Variants in PSG6 observed in about 807,000 individuals in gnomAD.
The protein encoded by PSG6 is pregnancy specific beta-1-glycoprotein 6.
A neutral mutation model predicts 43.3 loss-of-function variants in PSG6; 51 were observed. The observed-to-expected ratio is 1.18, with a 90% confidence interval of 0.94 to 1.49. The LOEUF is 1.49. Ranked by LOEUF, PSG6 falls within the 40% of genes most tolerant of loss-of-function variation. The pLI, the probability that PSG6 is intolerant of heterozygous loss-of-function variation, is 0.00. For synonymous variants in PSG6, 292 were observed against 197.6 expected (o/e 1.48, Z -4.01); for missense variants, 770 against 522.2 (o/e 1.47, Z -4.62).
At chr19:42,906,527 A>G in intron 5 of PSG6, 1 of 1,262,166 alleles carries the variant, frequency 7.9e-7, no homozygotes, top group Non-Finnish European at 1.0e-6. Context: ...AGCTTGTTTC[A>G]AAGCCTCAGA....
chr19:42,906,627 G>C (rs1336860402), intron 5 of PSG6: 1 of 1,374,614 alleles, frequency 7.3e-7, no homozygotes, highest in East Asian at 2.5e-5. Context: ...ACTTGATCTT[G>C]AGGACTCTCC....
At chr19:42,915,781 C>A in intron 2 of PSG6, 1 of 432,170 alleles carries the variant, frequency 2.3e-6, no homozygotes, top group Non-Finnish European at 4.0e-6. Flanking sequence ...TCTCAGTGGG[C>A]CCCTCAGGCC....
Position 42,907,673 on chromosome 19 carries a change from T to C in PSG6, c.888A>G (p.Leu296=). 6.2e-7 allele frequency: 1 copy of C among 1,611,016 alleles called. No individual in the cohort carries two copies. Among genetic ancestry groups the C allele is most frequent in the African/African-American group, 1.3e-5 (1 of 74,774 alleles). ...CTGTTTCATTTCTCGTGACACTGGG[T>C]AGAATGAGTATCCTGTTTTCAATGG... is the stretch of plus-strand genomic sequence containing the variant. ...KRPIENRILI[L]PSVTRNETGP... The change falls in exon 4 of 6, where the codon CTA becomes CTG. Residue 296 remains leucine, a synonymous_variant. Coordinates refer to ENST00000187910, the MANE Select transcript of PSG6 (RefSeq NM_001031850.4).
intron 3 of PSG6, 75 bp from the exon 4 acceptor site, chr19:42,907,929 A>T (rs1204127111): frequency 6.4e-7 from 1 of 1,570,264 alleles, no homozygotes; most frequent in South Asian, 1.2e-5. Context: ...CAGAGTTGGC[A>T]TCTCCCACCT....
In PSG6 at chr19:42,902,451, T is replaced by A; in HGVS notation, c.1241-5A>T. Reference sequence around the variant, plus strand: ...TCTGGTTTCCATGGCAGGGACCTGATTGACAGAAGGCCCAGGTCAGCGCAT... The same window carrying A: ...TCTGGTTTCCATGGCAGGGACCTGAATGACAGAAGGCCCAGGTCAGCGCAT... On this transcript the variant is annotated splice_region_variant and splice_polypyrimidine_tract_variant and intron_variant, in intron 5 of 5. Transcript: ENST00000187910. The A allele has an allele frequency of 6.2e-7, 1 of 1,610,990 alleles. No homozygotes were observed. The highest frequency in any genetic ancestry group is 8.5e-7 in the Non-Finnish European group (1 of 1,178,270).
At chr19:42,913,497 A>G (rs2122641669) in intron 2 of PSG6, among the ~76,000 whole-genome samples, 1 of 151,708 alleles carries the variant, frequency 6.6e-6, no homozygotes, top group South Asian at 2.1e-4. Context: ...TCAGCTTTTT[A>G]CTTAGTGTTA....
chr19:42,913,394 C>T (rs944478766), intron 2 of PSG6, among the ~76,000 whole-genome samples: 2 of 151,834 alleles, frequency 1.3e-5, no homozygotes, highest in African/African-American at 4.8e-5. Context: ...TTGTGCCCGC[C>T]TCAGCCTCCC....
Position 42,910,747 on chromosome 19 carries a change from A to C in PSG6, c.539T>G (p.Leu180Trp), listed in dbSNP as rs1065507. Residue 180 changes from leucine (L) to tryptophan (W), a missense_variant, in exon 3 of 6, where the codon TTG becomes TGG. Leu to Trp is a moderately conservative substitution (Grantham distance 61, BLOSUM62 -2). Coordinates refer to ENST00000187910, the MANE Select transcript of PSG6 (RefSeq NM_001031850.4). ...CATAGGGAGGTTCTGACCATTCAGC[A>C]ACCACAGGTAGCTTGCATCCGGAGT... ...PETPDASYLW[L>W]LNGQNLPMTH... 4.7e-5 allele frequency: 75 copies of C among 1,612,252 alleles called. 3 individuals carry two copies. The highest frequency in any genetic ancestry group is 2.2e-4 in the Admixed American group (13 of 59,868).
rs1341866090 is a variant in PSG6 at position 42,903,561 on chromosome 19, GA to G, written c.1241-1116del. The G allele has an allele frequency of 8.6e-6, 12 of 1,389,756 alleles. No homozygotes were observed. The East Asian group carries it at 1.4e-4, about 16-fold the overall frequency. 86.1% of individuals were successfully genotyped at this position (1,389,756 alleles called of 1,614,324 possible). On this transcript the variant is annotated intron_variant, in intron 5 of 5. Transcript: ENST00000187910. ...GACAACCATTAACTAGATTGGCTAAGAAAAAAAGAGAAAAGATAAAATTACT... is the reference window on the plus strand; with the variant it reads ...GACAACCATTAACTAGATTGGCTAAGAAAAAAGAGAAAAGATAAAATTACT...
intron 2 of PSG6, 121 bp downstream of exon 2, chr19:42,916,004 C>G: frequency 6.5e-7 from 1 of 1,528,568 alleles, no homozygotes; most frequent in Admixed American, 1.8e-5. Context: ...ATGCCCAAAC[C>G]CCAGCATGGG....
At position 42,907,944 on chromosome 19, in the gene PSG6, A is replaced by G. The variant is rs374563475; in HGVS notation, c.707-90T>C. 91 of 1,538,540 alleles carry G rather than the reference A, an allele frequency of 5.9e-5. 4 individuals carry two copies. The highest frequency in any genetic ancestry group is 2.9e-4 in the East Asian group (13 of 44,332). On this transcript the variant is annotated intron_variant, in intron 3 of 5. Transcript: ENST00000187910. The stretch of plus-strand genomic sequence containing the variant: ...CAGAGTTGGCATCTCCCACCTGTCA[A>G]CCCACATGAGTCCTTGAAAGCCAGT...
At chr19:42,912,065 A>T (rs1285540181) in intron 2 of PSG6, among the ~76,000 whole-genome samples, 3 of 151,654 alleles carry the variant, frequency 2.0e-5, no homozygotes, top group African/African-American at 7.3e-5. Context: ...AATTTTTTTT[A>T]TTTTGGAATA....
chr19:42,911,929 G>T (rs1200903384), intron 2 of PSG6, among the ~76,000 whole-genome samples: 1 of 151,528 alleles, frequency 6.6e-6, no homozygotes, highest in African/African-American at 2.4e-5. Flanking sequence ...TGTTCCGTGG[G>T]TGTGCGGTTT....
chr19:42,902,264 G>T lies in PSG6; in HGVS notation c.*148C>A. On this transcript the variant is annotated 3_prime_UTR_variant, in exon 6 of 6. Transcript: ENST00000187910. ...AAATCTGGAGAATAAAACATTCCAAGAATCAGCACATTTTCCAATAAAAAA... is the reference window on the plus strand; with the variant it reads ...AAATCTGGAGAATAAAACATTCCAATAATCAGCACATTTTCCAATAAAAAA... 1 of 1,036,114 alleles carries T rather than the reference G, an allele frequency of 9.7e-7. No homozygotes were observed. The highest frequency in any genetic ancestry group is 1.4e-6 in the Non-Finnish European group (1 of 726,532). The allele number at this position is 1,036,114 out of a possible 1,614,324, so 64.2% of individuals were successfully genotyped here.
rs527513587 is a variant in PSG6, at chr19:42,907,765, G to C, written c.796C>G (p.Arg266Gly). Residue 266 changes from arginine to glycine, a missense_variant, in exon 4 of 6, where the codon CGG (arginine) becomes GGG (glycine). Coordinates refer to ENST00000187910, the MANE Select transcript of PSG6 (RefSeq NM_001031850.4). ...AGCCACCAAATGTAGGTGTAGTTCC[G>C]ACTCTTAGGTTCACAGGTGAAGGCT... ...VLAFTCEPKS[R>G]NYTYIWWLNG... 35 of 1,610,848 alleles carry C rather than the reference G, an allele frequency of 2.2e-5. 1 individual carries two copies. Among genetic ancestry groups the C allele is most frequent in the African/African-American group, 1.5e-4 (11 of 74,774 alleles).
intron 2 of PSG6, 119 bp downstream of exon 2, chr19:42,916,006 C>T (rs1972318089): frequency 1.3e-6 from 2 of 1,533,744 alleles, no homozygotes; most frequent in African/African-American, 1.4e-5. Flanking sequence ...GCCCAAACCC[C>T]AGCATGGGAC....
At chr19:42,913,782 C>A (rs1055753769) in intron 2 of PSG6, among the ~76,000 whole-genome samples, 1 of 151,634 alleles carries the variant, frequency 6.6e-6, no homozygotes, top group African/African-American at 2.4e-5. Flanking sequence ...ATGGCTCAGC[C>A]AGTCATGTGG....
chr19:42,910,400 C>T, intron 3 of PSG6, 180 bp downstream of exon 3: 1 of 1,498,172 alleles, frequency 6.7e-7, no homozygotes, highest in Non-Finnish European at 9.2e-7. Context: ...CCTCTTCTCT[C>T]TTATTGTTGA....
chr19:42,907,083 G>A lies in PSG6; in HGVS notation c.1079C>T (p.Pro360Leu), dbSNP rs750500962. Residue 360 changes from proline (P) to leucine (L), a missense_variant, in exon 5 of 6, where the codon CCG (proline) becomes CTG (leucine). Pro to Leu is a moderately conservative substitution (Grantham distance 98, BLOSUM62 -3). Transcript: ENST00000187910. ...DLSCFADSNP[P>L]AEYSWTINGK... ...ATTAATTGTCCAAGAATACTCTGCCGGTGGGTTAGAGTCCGCAAAGCAGGA... is the reference window on the plus strand; with the variant it reads ...ATTAATTGTCCAAGAATACTCTGCCAGTGGGTTAGAGTCCGCAAAGCAGGA... The A allele has an allele frequency of 1.6e-5, 25 of 1,612,688 alleles. No individual in the cohort carries two copies. The highest frequency in any genetic ancestry group is 1.2e-4 in the South Asian group (11 of 90,850).
Sources: gnomAD v4.1 joint callset for allele counts (sites outside exome capture counted in the v4.1 genomes callset) on GRCh38, gnomAD v4.1.1 for gene constraint, MANE v1.5 for transcripts, NCBI Gene and HGNC (gene_info 2026-07-23, HGNC 2026-07-21) for gene names.